Variants in BMP7 observed in about 807,000 individuals in gnomAD.
BMP7 encodes the protein bone morphogenetic protein 7, also known as osteogenic protein 1.
BMP7 carries 12 observed loss-of-function variants against 41.2 expected under a neutral mutation model. The observed-to-expected ratio is 0.29, with a 90% CI of 0.19 to 0.47. BMP7 has a LOEUF of 0.47. BMP7 is among the 20% of genes least tolerant of loss of function. The pLI is 0.99. For synonymous variants in BMP7, 248 were observed against 250.0 expected (o/e 0.99, Z 0.07); for missense variants, 467 against 606.0 (o/e 0.77, Z 2.41).
chr20:57,189,517 G>A (rs953252113), intron 3 of BMP7, among the ~76,000 whole-genome samples: 10 of 152,242 alleles, frequency 6.6e-5, no homozygotes, highest in Non-Finnish European at 1.0e-4. Flanking sequence ...CACGCGTGAC[G>A]CAGAGACAGG....
intron 2 of BMP7, among the ~76,000 whole-genome samples, chr20:57,204,054 T>C (rs182607564): frequency 1.3e-4 from 20 of 152,348 alleles, no homozygotes; most frequent in Non-Finnish European, 2.4e-4. Flanking sequence ...CCCAGGGTTA[T>C]GCCACTAGGA....
At chr20:57,230,699 C>A (rs1288586086) in intron 1 of BMP7, among the ~76,000 whole-genome samples, 2 of 146,952 alleles carry the variant, frequency 1.4e-5, no homozygotes, top group African/African-American at 5.0e-5. Context: ...TTTTTTGAGA[C>A]AGAGTCTCGC....
At chr20:57,249,477 A>G (rs182784) in intron 1 of BMP7, among the ~76,000 whole-genome samples, 82,025 of 151,832 alleles carry the variant, frequency 0.54, 23,418 homozygotes, top group African/African-American at 0.73. Flanking sequence ...TTCCCACTCT[A>G]CCCAATGTCT....
chr20:57,222,964 C>T (rs1285018487), intron 2 of BMP7, among the ~76,000 whole-genome samples: 1 of 151,942 alleles, frequency 6.6e-6, no homozygotes, highest in Non-Finnish European at 1.5e-5. Flanking sequence ...ACACTTTGGG[C>T]TCAGTCTCAT....
chr20:57,265,240 G>C (rs1008356281), intron 1 of BMP7, among the ~76,000 whole-genome samples: 2 of 152,202 alleles, frequency 1.3e-5, no homozygotes, highest in African/African-American at 4.8e-5. Flanking sequence ...GACAGGTAGG[G>C]CTTGACAGGG....
At chr20:57,244,371 C>T (rs182393663) in intron 1 of BMP7, among the ~76,000 whole-genome samples, 3 of 152,236 alleles carry the variant, frequency 2.0e-5, no homozygotes, top group African/African-American at 4.8e-5. Flanking sequence ...CCACCTCCCA[C>T]GCTCACTTGC....
Position 57,171,235 on chromosome 20 carries a change from CAAGCACTCCCTGTTCT to C in BMP7, c.1147-143_1147-128del, listed in dbSNP as rs1983810239. The C allele has an allele frequency of 9.0e-6, 12 of 1,328,526 alleles. No homozygotes were observed. Among genetic ancestry groups the C allele is most frequent in the Non-Finnish European group, 1.2e-5 (11 of 942,412 alleles). 82.3% of individuals were successfully genotyped at this position (1,328,526 alleles called of 1,614,324 possible). On this transcript the variant is annotated intron_variant, in intron 6 of 6. Coordinates refer to ENST00000395863, the MANE Select transcript of BMP7 (RefSeq NM_001719.3). This position sits in a 1 kb window ranked among gnomAD's most constrained non-coding sequence, Gnocchi z 4.5. ...TGACTGCAGGTGACACTCCCCAAGCCAAGCACTCCCTGTTCTAAGCACTTTACATGGACAACTCAGT... is the reference window on the plus strand; with the variant it reads ...TGACTGCAGGTGACACTCCCCAAGCCAAGCACTTTACATGGACAACTCAGT...
intron 1 of BMP7, among the ~76,000 whole-genome samples, chr20:57,234,508 G>A (rs1294235562): frequency 1.3e-5 from 2 of 152,178 alleles, no homozygotes; most frequent in East Asian, 3.9e-4. Flanking sequence ...TATGAGTTAC[G>A]TTGAGATGCT....
At chr20:57,187,596 G>A (rs1984245518) in intron 3 of BMP7, among the ~76,000 whole-genome samples, 1 of 147,656 alleles carries the variant, frequency 6.8e-6, no homozygotes, top group African/African-American at 2.5e-5. Flanking sequence ...CACGATTGAG[G>A]GAGGAGGGAT....
chr20:57,197,602 A>G (rs7265207), intron 3 of BMP7, among the ~76,000 whole-genome samples: 4 of 152,166 alleles, frequency 2.6e-5, no homozygotes, highest in Non-Finnish European at 5.9e-5. Context: ...CTATTTCCTC[A>G]TCTATAAAAT....
At chr20:57,216,528 G>A (rs1419305800) in intron 2 of BMP7, among the ~76,000 whole-genome samples, 1 of 151,040 alleles carries the variant, frequency 6.6e-6, no homozygotes, top group Admixed American at 6.6e-5. Flanking sequence ...TCCTGAGGGC[G>A]AGGGGGCTGT....
At chr20:57,248,884 C>T (rs1461390134) in intron 1 of BMP7, among the ~76,000 whole-genome samples, 6 of 151,144 alleles carry the variant, frequency 4.0e-5, no homozygotes, top group Non-Finnish European at 7.4e-5. Flanking sequence ...CTGCAAGCTC[C>T]GCCTCCTGGG....
At chr20:57,233,865 C>G (rs929145851) in intron 1 of BMP7, among the ~76,000 whole-genome samples, 2 of 152,124 alleles carry the variant, frequency 1.3e-5, no homozygotes, top group Non-Finnish European at 2.9e-5. Context: ...GGGTATGAAC[C>G]CAAATATATG....
intron 1 of BMP7, among the ~76,000 whole-genome samples, chr20:57,245,307 G>T (rs1381523464): frequency 6.6e-6 from 1 of 152,040 alleles, no homozygotes; most frequent in Non-Finnish European, 1.5e-5. Context: ...TGGGAAGCAG[G>T]AGAATATGAG....
At position 57,169,931 on chromosome 20, in the gene BMP7, A is replaced by C. The variant is rs1983777297; in HGVS notation, c.*1028T>G. On this transcript the variant is annotated 3_prime_UTR_variant, in exon 7 of 7. Transcript: ENST00000395863. ...GCCACCATGCCCGGCTAATTTTTGT[A>C]TTTTTAGTAGAGATGGGGTTTCACC... 6.6e-6 allele frequency: 1 copy of C among 151,910 alleles called. No homozygotes were observed. Among genetic ancestry groups the C allele is most frequent in the African/African-American group, 2.4e-5 (1 of 41,308 alleles). The allele number at this position is 151,910 out of a possible 1,614,324, so 9.4% of individuals were successfully genotyped here. A position where few individuals can be genotyped will look rare whatever the true frequency, so the allele number is the denominator to read the frequency against.
chr20:57,244,151 C>T (rs1007278877), intron 1 of BMP7: 1 of 152,234 alleles, frequency 6.6e-6, no homozygotes, highest in Non-Finnish European at 1.5e-5. Flanking sequence ...GCCACTGGGC[C>T]CCACTTCCAG....
In BMP7 at chr20:57,265,867, G is replaced by T; in HGVS notation, c.256C>A (p.Leu86Met). 6.2e-7 allele frequency: 1 copy of T among 1,605,714 alleles called. No homozygotes were observed. The highest frequency in any genetic ancestry group is 8.5e-7 in the Non-Finnish European group (1 of 1,176,462). Reference protein sequence around the residue: ...HNSAPMFMLDLYNAMAVEEGG... With the variant: ...HNSAPMFMLDMYNAMAVEEGG... The stretch of plus-strand genomic sequence containing the variant: ...TCCTCCACCGCCATGGCGTTGTACA[G>T]GTCCAGCATGAACATGGGTGCCGAG... The change falls in exon 1 of 7, where the codon CTG (leucine) becomes ATG (methionine). Residue 86 changes from leucine (L) to methionine (M), a missense_variant. Physicochemically the swap from Leu to Met is conservative, Grantham distance 15. This residue lies in a region of BMP7 where 407 missense variants were observed against 485.9 expected (regional missense o/e 0.84). Coordinates refer to ENST00000395863, the MANE Select transcript of BMP7 (RefSeq NM_001719.3).
At chr20:57,197,339 C>G (rs1245524860) in intron 3 of BMP7, among the ~76,000 whole-genome samples, 1 of 152,122 alleles carries the variant, frequency 6.6e-6, no homozygotes, top group Non-Finnish European at 1.5e-5. Flanking sequence ...AAACACTTTC[C>G]TTCCCAGGTG....
intron 6 of BMP7, among the ~76,000 whole-genome samples, chr20:57,172,178 C>A (rs1180267379): frequency 6.6e-6 from 1 of 152,162 alleles, no homozygotes; most frequent in Non-Finnish European, 1.5e-5. Context: ...TGCCTGGCAC[C>A]TTCCAGGGGA....
Sources: gnomAD v4.1 joint callset for allele counts (sites outside exome capture counted in the v4.1 genomes callset) on GRCh38, gnomAD v4.1.1 for gene constraint, gnomAD v4.1.1 regional missense constraint, Gnocchi (gnomAD v3.1) non-coding constraint, MANE v1.5 for transcripts, NCBI Gene and HGNC (gene_info 2026-07-23, HGNC 2026-07-21) for gene names.